INPP5K: variants seen among roughly 807,000 people sequenced by gnomAD.
INPP5K encodes inositol polyphosphate-5-phosphatase K, also known as inositol polyphosphate 5-phosphatase K.
In INPP5K, 35 loss-of-function variants were observed where a neutral mutation model predicts 53.5. That is an observed-to-expected ratio of 0.65 (90% CI 0.50 to 0.87). The LOEUF (loss-of-function observed/expected upper bound fraction) is 0.87. Ranked by LOEUF, INPP5K falls within the 40% of genes least tolerant of loss-of-function variation. The probability of loss-of-function intolerance (pLI) is 0.00; values close to 1 mark genes in which losing one functional copy is unlikely to be tolerated. For synonymous variants in INPP5K, 253 were observed against 232.8 expected, an observed-to-expected ratio of 1.09 and a Z score of -0.79; for missense variants, 550 against 586.2, an observed-to-expected ratio of 0.94 and a Z score of 0.64.
chr17:1,507,227 C>T, intron 6 of INPP5K, 138 bp from the exon 7 acceptor site: 2 of 630,408 alleles, frequency 3.2e-6, no homozygotes, highest in East Asian at 5.7e-5. Context: ...CCTCACTGCC[C>T]CAGTGACTAC....
rs1216270202 is a variant in INPP5K at position 1,509,761 on chromosome 17, G to C, written c.300C>G (p.Val100=). The C allele has an allele frequency of 6.2e-7, 1 of 1,613,628 alleles. No individual in the cohort carries two copies. Among genetic ancestry groups the C allele is most frequent in the Non-Finnish European group, 8.5e-7 (1 of 1,179,702 alleles). ...HVRMQGILLL[V]FAKYQHLPYI... ...AGGGCAAATGCTGATACTTGGCAAA[G>C]ACCAGTAAGAGGATCCCCTGCATAC... Residue 100 remains valine (V), a synonymous_variant, in exon 4 of 12, where the codon GTC becomes GTG. Coordinates refer to ENST00000421807, the MANE Select transcript of INPP5K (RefSeq NM_016532.4).
chr17:1,496,531 C>A, intron 9 of INPP5K, 129 bp from the exon 10 acceptor site: 1 of 1,378,744 alleles, frequency 7.3e-7, no homozygotes, highest in South Asian at 1.2e-5. Context: ...CCTTCACTGC[C>A]AGCCTTTAGC....
At chr17:1,500,644 G>A (rs889891049) in intron 7 of INPP5K, among the ~76,000 whole-genome samples, 3 of 152,118 alleles carry the variant, frequency 2.0e-5, no homozygotes, top group African/African-American at 7.2e-5. Flanking sequence ...GATTACAGGC[G>A]TGAGCCACCG....
chr17:1,497,508 G>A (rs758967940), intron 8 of INPP5K, among the ~76,000 whole-genome samples: 5 of 152,102 alleles, frequency 3.3e-5, no homozygotes, highest in East Asian at 1.9e-4. Flanking sequence ...GTATGAAAAC[G>A]TGAAGGCTGA....
chr17:1,502,166 G>T (rs372288661), intron 7 of INPP5K, among the ~76,000 whole-genome samples: 1 of 151,442 alleles, frequency 6.6e-6, no homozygotes, highest in African/African-American at 2.4e-5. Flanking sequence ...TGGCTAACAT[G>T]GTGAAACCCC....
At chr17:1,500,059 C>A (rs376351458) in intron 7 of INPP5K, among the ~76,000 whole-genome samples, 27 of 152,328 alleles carry the variant, frequency 1.8e-4, no homozygotes, top group Admixed American at 1.7e-3. Flanking sequence ...AGCAACCCCC[C>A]ACCTCCGCCT....
At chr17:1,507,234 C>G in intron 6 of INPP5K, 145 bp from the exon 7 acceptor site, 1 of 618,820 alleles carries the variant, frequency 1.6e-6, no homozygotes, top group East Asian at 2.9e-5. Context: ...GCCCCAGTGA[C>G]TACTCAGCAG....
intron 7 of INPP5K, 47 bp from the exon 8 acceptor site, chr17:1,498,169 G>C: frequency 6.6e-7 from 1 of 1,516,992 alleles, no homozygotes; most frequent in East Asian, 2.3e-5. Flanking sequence ...AAAGAAGAAA[G>C]GGTTGGCTAA....
At position 1,494,717 on chromosome 17, in the gene INPP5K, C is replaced by G. The variant is rs1486287594; in HGVS notation, c.*1106G>C. On this transcript the variant is annotated 3_prime_UTR_variant, in exon 12 of 12. Transcript: ENST00000421807. ...GCAACACAGAGCAACTGGAGTAACCCTCAGTCCCAGGACACAGGATGGCAG... is the reference window on the plus strand; with the variant it reads ...GCAACACAGAGCAACTGGAGTAACCGTCAGTCCCAGGACACAGGATGGCAG... 6.6e-6 allele frequency: 1 copy of G among 152,270 alleles called. No homozygotes were observed. Among genetic ancestry groups the G allele is most frequent in the East Asian group, 1.9e-4 (1 of 5,194 alleles). The allele number at this position is 152,270 out of a possible 1,614,324, so 9.4% of individuals were successfully genotyped here.
chr17:1,507,361 C>A, intron 6 of INPP5K: 1 of 442,864 alleles, frequency 2.3e-6, no homozygotes, highest in East Asian at 3.8e-5. Flanking sequence ...GGAATTCCAT[C>A]TCTAGGGGAG....
intron 7 of INPP5K, among the ~76,000 whole-genome samples, chr17:1,503,170 C>T (rs2075069668): frequency 1.3e-5 from 2 of 150,910 alleles, no homozygotes; most frequent in South Asian, 4.2e-4. Context: ...AGAGGTGTGA[C>T]CCATCACGCC....
chr17:1,501,979 G>A (rs1454529248), intron 7 of INPP5K, among the ~76,000 whole-genome samples: 1 of 151,434 alleles, frequency 6.6e-6, no homozygotes, highest in East Asian at 1.9e-4. Flanking sequence ...AGGTTTCAGT[G>A]AGCCAAGATT....
rs575329912 is a variant in INPP5K, at chr17:1,497,039, G to A, written c.964-236C>T. Reference sequence around the variant, plus strand: ...GGAATCCCATGGGGCCCAGCGCTGGGGGGTAGGAATGGCGGAGAGCAGAGG... The same window carrying A: ...GGAATCCCATGGGGCCCAGCGCTGGAGGGTAGGAATGGCGGAGAGCAGAGG... On this transcript the variant is annotated intron_variant, in intron 8 of 11. Transcript: ENST00000421807. Among the ~76,000 whole-genome samples, 3 of 152,230 alleles carry A rather than the reference G, an allele frequency of 2.0e-5. No homozygotes were observed. The South Asian group carries it at 6.2e-4, about 31-fold the overall frequency.
In INPP5K at chr17:1,496,395, A is replaced by G. The variant is rs1479022598; in HGVS notation, c.1109T>C (p.Leu370Pro). Residue 370 changes from leucine (L) to proline (P), a missense_variant, in exon 10 of 12, where the codon CTG (leucine) becomes CCG (proline). Coordinates refer to ENST00000421807, the MANE Select transcript of INPP5K (RefSeq NM_016532.4). Reference protein sequence around the residue: ...WDWIGLYKVGLRDVNDYVSYA... With the variant: ...WDWIGLYKVGPRDVNDYVSYA... ...GGACACGTAGTCATTAACGTCCCGC[A>G]GCCCCACCTGTGAGGGGGAGTCAGG... 8.3e-6 allele frequency: 13 copies of G among 1,560,210 alleles called. No individual in the cohort carries two copies. Among genetic ancestry groups the G allele is most frequent in the Middle Eastern group, 1.8e-4 (1 of 5,422 alleles).
At chr17:1,508,341 G>C in intron 5 of INPP5K, 115 bp from the exon 6 acceptor site, 2 of 796,656 alleles carry the variant, frequency 2.5e-6, no homozygotes, top group South Asian at 2.9e-5. Context: ...AAACCTGAGG[G>C]GCAAGTGAGA....
At chr17:1,508,006 C>G in intron 6 of INPP5K, 109 bp downstream of exon 6, 1 of 833,054 alleles carries the variant, frequency 1.2e-6, no homozygotes. Context: ...CCCACCAGAC[C>G]TGGGCAAAAG....
chr17:1,510,653 A>T (rs910240731), intron 3 of INPP5K: 3 of 149,552 alleles, frequency 2.0e-5, no homozygotes, highest in Non-Finnish European at 4.5e-5. Flanking sequence ...TAGAGACAGG[A>T]TTTCGCTCTG....
At chr17:1,503,237 G>A (rs1016570263) in intron 7 of INPP5K, among the ~76,000 whole-genome samples, 2 of 149,908 alleles carry the variant, frequency 1.3e-5, no homozygotes, top group Non-Finnish European at 3.0e-5. Flanking sequence ...AGGCTGGAGT[G>A]CAGTGGCGTG....
chr17:1,496,614 G>C, intron 9 of INPP5K, 52 bp downstream of exon 9: 1 of 1,606,144 alleles, frequency 6.2e-7, no homozygotes. Flanking sequence ...CCCTCGGGAA[G>C]GATGAACCAG....
Sources: allele counts gnomAD v4.1 joint callset (sites outside exome capture counted in the v4.1 genomes callset), GRCh38; gene constraint gnomAD v4.1.1; transcripts MANE v1.5; gene names NCBI Gene and HGNC (gene_info 2026-07-23, HGNC 2026-07-21).